Variants in SWAP70 observed in about 807,000 individuals in gnomAD.
SWAP70 encodes the protein switching B cell complex subunit SWAP70.
In SWAP70, 34 loss-of-function variants were observed where a neutral mutation model predicts 80.2. The ratio of observed to expected loss-of-function variants is 0.42; its 90% confidence interval spans 0.32 to 0.56. SWAP70 has a LOEUF of 0.56. Ranked by LOEUF, SWAP70 falls within the 20% of genes least tolerant of loss-of-function variation. SWAP70 has a pLI of 0.09. For synonymous variants in SWAP70, 239 were observed against 238.5 expected (o/e 1.00, Z -0.02); for missense variants, 578 against 690.7 (o/e 0.84, Z 1.83).
intron 9 of SWAP70, among the ~76,000 whole-genome samples, chr11:9,745,267 T>C (rs1165331248): frequency 1.3e-5 from 2 of 152,224 alleles, no homozygotes; most frequent in East Asian, 3.8e-4. Context: ...GAGGATGAAA[T>C]GAAATGATGC....
chr11:9,749,994 A>C lies in SWAP70; in HGVS notation c.*24A>C. On this transcript the variant is annotated 3_prime_UTR_variant, in exon 12 of 12. Transcript: ENST00000318950. ...GACTGAGCTTGCTGGCAGTCACGTCAGTTATGTAGATACTGCATGGCAGGA... is the reference window on the plus strand; with the variant it reads ...GACTGAGCTTGCTGGCAGTCACGTCCGTTATGTAGATACTGCATGGCAGGA... 1 of 1,482,024 alleles carries C rather than the reference A, an allele frequency of 6.7e-7. No homozygotes were observed. Among genetic ancestry groups the C allele is most frequent in the East Asian group, 2.3e-5 (1 of 44,240 alleles). 91.8% of individuals were successfully genotyped at this position (1,482,024 alleles called of 1,614,324 possible). A position where few individuals can be genotyped will look rare whatever the true frequency, so the allele number is the denominator to read the frequency against.
rs56100709 is a variant in SWAP70, at chr11:9,702,411, G to GT, written c.240+8136dup. ...AGTTACATAGTGTGGGTTTTGTTTT[G>GT]TTTTTTTTTTTGTTTTCTGAGATAA... On this transcript the variant is annotated intron_variant, in intron 2 of 11. Coordinates refer to ENST00000318950, the MANE Select transcript of SWAP70 (RefSeq NM_015055.4). 1.5e-3 allele frequency among the ~76,000 whole-genome samples: 227 copies of GT among 147,436 alleles called. 2 individuals are homozygous for GT. The highest frequency in any genetic ancestry group is 5.2e-3 in the East Asian group (26 of 4,978).
chr11:9,688,296 A>G (rs1850656541), intron 1 of SWAP70, among the ~76,000 whole-genome samples: 1 of 152,230 alleles, frequency 6.6e-6, no homozygotes, highest in South Asian at 2.1e-4. Context: ...ACAGTCTTAC[A>G]GGAGAGAGAA....
intron 4 of SWAP70, among the ~76,000 whole-genome samples, chr11:9,725,263 C>T (rs1390648256): frequency 2.0e-5 from 3 of 151,608 alleles, no homozygotes; most frequent in African/African-American, 7.3e-5. Flanking sequence ...CAGGTGTGAC[C>T]CACTGGGCCT....
At chr11:9,672,195 C>CTATGTATATATATGTA (rs530619499) in intron 1 of SWAP70, among the ~76,000 whole-genome samples, 20 of 78,418 alleles carry the variant, frequency 2.6e-4, no homozygotes, top group African/African-American at 8.8e-4. Flanking sequence ...ATGTGTGTGT[C>CTATGTATATATATGTA]TATATATATA....
chr11:9,702,418 T>G (rs907454443), intron 2 of SWAP70, among the ~76,000 whole-genome samples: 6 of 152,070 alleles, frequency 3.9e-5, no homozygotes, highest in Non-Finnish European at 7.4e-5. Context: ...TTTGTTTTTT[T>G]TTTTGTTTTC....
intron 4 of SWAP70, among the ~76,000 whole-genome samples, chr11:9,727,412 A>T (rs750835282): frequency 6.6e-6 from 1 of 152,168 alleles, no homozygotes; most frequent in Non-Finnish European, 1.5e-5. Context: ...TTTTGTAGAA[A>T]TGAAGTCTCA....
At chr11:9,684,097 T>C (rs965393444) in intron 1 of SWAP70, among the ~76,000 whole-genome samples, 12 of 152,238 alleles carry the variant, frequency 7.9e-5, no homozygotes, top group Non-Finnish European at 1.0e-4. Context: ...AATTTTTCTT[T>C]TTGAGACAGG....
intron 2 of SWAP70, among the ~76,000 whole-genome samples, chr11:9,707,743 A>G (rs1850937030): frequency 6.6e-6 from 1 of 151,274 alleles, no homozygotes; most frequent in South Asian, 2.1e-4. Flanking sequence ...TTTTGTAGAG[A>G]CGCGGTATCA....
At position 9,691,742 on chromosome 11, in the gene SWAP70, T is replaced by C. The variant is rs147577083; in HGVS notation, c.100-2404T>C. Among the ~76,000 whole-genome samples, 192 of 152,274 alleles carry C rather than the reference T, an allele frequency of 1.3e-3. 3 individuals are homozygous for C. The East Asian group carries it at 0.034, about 27-fold the overall frequency. On this transcript the variant is annotated intron_variant, in intron 1 of 11. Transcript: ENST00000318950. ...GAAAAACAAATTTAATATCTGTGAG[T>C]CTGTAGTCACCATTTATAAGATGAG...
intron 1 of SWAP70, among the ~76,000 whole-genome samples, chr11:9,684,900 A>G (rs1181044567): frequency 3.3e-5 from 5 of 152,236 alleles, no homozygotes; most frequent in South Asian, 2.1e-4. Flanking sequence ...GTATTCACAG[A>G]TGGCTAAAAT....
chr11:9,689,436 A>G (rs775201082), intron 1 of SWAP70, among the ~76,000 whole-genome samples: 2 of 152,218 alleles, frequency 1.3e-5, no homozygotes, highest in Admixed American at 6.5e-5. Flanking sequence ...AGTTTCTGGC[A>G]TGGATATGGA....
chr11:9,703,111 G>A (rs1850854220), intron 2 of SWAP70, among the ~76,000 whole-genome samples: 1 of 152,066 alleles, frequency 6.6e-6, no homozygotes, highest in Non-Finnish European at 1.5e-5. Flanking sequence ...CTCTAGGCAA[G>A]TGCAAATCTA....
chr11:9,743,470 G>A (rs1173862829), intron 9 of SWAP70, among the ~76,000 whole-genome samples: 24 of 151,568 alleles, frequency 1.6e-4, no homozygotes, highest in African/African-American at 5.6e-4. Context: ...CTGAGGAATC[G>A]CCACACTGAC....
intron 7 of SWAP70, 42 bp downstream of exon 7, chr11:9,732,752 C>G (rs1393369156): frequency 1.3e-6 from 2 of 1,497,954 alleles, no homozygotes; most frequent in Admixed American, 5.0e-5. Flanking sequence ...CTTCATTCCC[C>G]TGCAGAAGCC....
chr11:9,695,100 C>T (rs1055893782), intron 2 of SWAP70, among the ~76,000 whole-genome samples: 2 of 152,026 alleles, frequency 1.3e-5, no homozygotes, highest in East Asian at 1.9e-4. Flanking sequence ...ACCAACCTGA[C>T]CAATATGATG....
rs184142696 is a variant in SWAP70, at chr11:9,706,442, A to G, written c.241-7024A>G. 8.3e-4 allele frequency among the ~76,000 whole-genome samples: 126 copies of G among 152,312 alleles called. 1 individual carries two copies. Among genetic ancestry groups the G allele is most frequent in the African/African-American group, 2.9e-3 (121 of 41,572 alleles). ...TATTTTATAATATGATATATACAAA[A>G]TAATATTTGTAGGATATATGAAAAT... On this transcript the variant is annotated intron_variant, in intron 2 of 11. Coordinates refer to ENST00000318950, the MANE Select transcript of SWAP70 (RefSeq NM_015055.4).
chr11:9,667,649 A>G (rs1251540142), intron 1 of SWAP70, among the ~76,000 whole-genome samples: 3 of 151,926 alleles, frequency 2.0e-5, no homozygotes, highest in Non-Finnish European at 4.4e-5. Flanking sequence ...TGCAGCCTCA[A>G]CCTCCTGGGC....
intron 1 of SWAP70, among the ~76,000 whole-genome samples, chr11:9,669,565 G>T (rs192356324): frequency 2.5e-4 from 38 of 152,220 alleles, no homozygotes; most frequent in African/African-American, 9.1e-4. Context: ...ATTGATTGCT[G>T]TTATCCCTAG....
Sources: gnomAD v4.1 joint callset for allele counts (sites outside exome capture counted in the v4.1 genomes callset) on GRCh38, gnomAD v4.1.1 for gene constraint, MANE v1.5 for transcripts, NCBI Gene and HGNC (gene_info 2026-07-23, HGNC 2026-07-21) for gene names.